Variants in PTPRM observed in about 807,000 individuals in gnomAD.
PTPRM encodes receptor-type tyrosine-protein phosphatase mu.
PTPRM carries 47 observed loss-of-function variants against 186.7 expected under a neutral mutation model. The ratio of observed to expected loss-of-function variants is 0.25; its 90% confidence interval spans 0.20 to 0.32. The LOEUF (loss-of-function observed/expected upper bound fraction) is 0.32, where lower values mean the gene tolerates loss of function less well. Ranked by LOEUF, PTPRM falls within the 10% of genes least tolerant of loss-of-function variation. The pLI is 1.00. For missense variants in PTPRM, 1,494 were observed against 1,865.0 expected (o/e 0.80, Z 3.66); for synonymous variants, 668 against 674.9 (o/e 0.99, Z 0.16).
chr18:7,933,714 G>A (rs2051626748), intron 5 of PTPRM, among the ~76,000 whole-genome samples: 2 of 152,194 alleles, frequency 1.3e-5, no homozygotes, highest in African/African-American at 4.8e-5. Context: ...TAGATTTGTA[G>A]TTAGAGCAGG....
intron 19 of PTPRM, among the ~76,000 whole-genome samples, chr18:8,287,962 G>T (rs963672876): frequency 6.6e-6 from 1 of 152,182 alleles, no homozygotes; most frequent in African/African-American, 2.4e-5. Context: ...CTTTGGGTTT[G>T]CAAGGGCACT....
intron 6 of PTPRM, among the ~76,000 whole-genome samples, chr18:7,952,269 T>C (rs2147087855): frequency 1.3e-5 from 2 of 152,378 alleles, no homozygotes; most frequent in Middle Eastern, 6.8e-3. Context: ...TTAGAATTAG[T>C]TTTATGGTGT....
chr18:7,710,583 A>G (rs1205807857), intron 1 of PTPRM, among the ~76,000 whole-genome samples: 1 of 152,176 alleles, frequency 6.6e-6, no homozygotes, highest in Non-Finnish European at 1.5e-5. Flanking sequence ...AAGCATCCCA[A>G]TTGGAAAAGA....
Position 8,405,979 on chromosome 18 carries a change from CT to C in PTPRM, c.4345-129del, listed in dbSNP as rs1046875578. 41 of 837,340 alleles carry C rather than the reference CT, an allele frequency of 4.9e-5. No individual in the cohort carries two copies. In the African/African-American group the frequency reaches 6.2e-4, roughly 13 times the overall value. 51.9% of individuals were successfully genotyped at this position (837,340 alleles called of 1,614,324 possible). ...ATCTGGAGTTCAGAACCGTGACTTT[CT>C]GATTCATTTCTAATTCAAATCCTCC... is the stretch of plus-strand genomic sequence containing the variant. On this transcript the variant is annotated intron_variant, in intron 32 of 32. Transcript: ENST00000580170.
At chr18:8,209,271 G>A (rs8098064) in intron 14 of PTPRM, among the ~76,000 whole-genome samples, 10,408 of 152,140 alleles carry the variant, frequency 0.068, 1,192 homozygotes, top group African/African-American at 0.24. Context: ...AGACTGCACC[G>A]ACAGCACAGG....
chr18:7,858,119 A>G (rs2047178838), intron 2 of PTPRM, among the ~76,000 whole-genome samples: 1 of 152,210 alleles, frequency 6.6e-6, no homozygotes, highest in African/African-American at 2.4e-5. Context: ...ATCTTTATGC[A>G]GATTTTATTT....
chr18:7,686,182 A>G (rs1394247304), intron 1 of PTPRM, among the ~76,000 whole-genome samples: 2 of 152,180 alleles, frequency 1.3e-5, no homozygotes, highest in African/African-American at 4.8e-5. Flanking sequence ...TGGGACAAGG[A>G]TCTCCCAGGT....
intron 14 of PTPRM, among the ~76,000 whole-genome samples, chr18:8,188,072 C>CT (rs1194180671): frequency 2.6e-5 from 4 of 152,166 alleles, no homozygotes; most frequent in Admixed American, 2.0e-4. Context: ...AAATTGTAGG[C>CT]TCCTAAATCT....
chr18:7,695,479 T>C (rs1248487223), intron 1 of PTPRM, among the ~76,000 whole-genome samples: 1 of 152,252 alleles, frequency 6.6e-6, no homozygotes, highest in Non-Finnish European at 1.5e-5. Flanking sequence ...CTTGCAGTTA[T>C]TTCTGAAAGT....
At chr18:8,263,535 G>A (rs1350269750) in intron 19 of PTPRM, among the ~76,000 whole-genome samples, 1 of 152,208 alleles carries the variant, frequency 6.6e-6, no homozygotes, top group East Asian at 1.9e-4. Context: ...GGGATTTTAT[G>A]AGTGATAAGA....
chr18:8,315,368 G>A (rs908432691), intron 21 of PTPRM, among the ~76,000 whole-genome samples: 1 of 152,170 alleles, frequency 6.6e-6, no homozygotes. Context: ...CTGTTCACCA[G>A]GACTTCTAAT....
intron 18 of PTPRM, 106 bp from the exon 19 acceptor site, chr18:8,253,121 C>T (rs1258965989): frequency 3.3e-6 from 3 of 908,946 alleles, no homozygotes; most frequent in Non-Finnish European, 4.5e-6. Context: ...GGGAATTTTG[C>T]ACCCCTAGGT....
intron 9 of PTPRM, among the ~76,000 whole-genome samples, chr18:8,078,364 A>T (rs923661423): frequency 1.3e-5 from 2 of 152,194 alleles, no homozygotes; most frequent in African/African-American, 2.4e-5. Context: ...ACCTCTCTGG[A>T]GAATCACAGA....
intron 7 of PTPRM, among the ~76,000 whole-genome samples, chr18:8,051,166 G>A (rs540089197): frequency 6.6e-6 from 1 of 152,280 alleles, no homozygotes; most frequent in South Asian, 2.1e-4. Flanking sequence ...CTTCCTGTAA[G>A]TTAAGTTTGC....
intron 1 of PTPRM, among the ~76,000 whole-genome samples, chr18:7,671,600 G>T (rs772895109): frequency 2.0e-5 from 3 of 152,126 alleles, no homozygotes; most frequent in Non-Finnish European, 4.4e-5. Context: ...TGTATAAATG[G>T]AATATATAAT....
At chr18:7,701,187 C>G (rs890023887) in intron 1 of PTPRM, among the ~76,000 whole-genome samples, 1 of 150,488 alleles carries the variant, frequency 6.6e-6, no homozygotes, top group African/African-American at 2.4e-5. Context: ...GCCTGTAGTC[C>G]CAGCTACTCG....
At chr18:8,133,611 T>C (rs2145971288) in intron 13 of PTPRM, among the ~76,000 whole-genome samples, 1 of 152,160 alleles carries the variant, frequency 6.6e-6, no homozygotes, top group Non-Finnish European at 1.5e-5. Context: ...GATTTGAACC[T>C]ACACAAATTG....
intron 13 of PTPRM, among the ~76,000 whole-genome samples, chr18:8,119,765 G>C (rs1316290036): frequency 6.6e-6 from 1 of 152,142 alleles, no homozygotes; most frequent in Non-Finnish European, 1.5e-5. Context: ...GCTTCCAGGA[G>C]ATCCCGCTGC....
chr18:7,811,467 C>T (rs1225270310), intron 2 of PTPRM, among the ~76,000 whole-genome samples: 3 of 152,180 alleles, frequency 2.0e-5, no homozygotes, highest in Admixed American at 6.5e-5. Flanking sequence ...AAGTGGTCCT[C>T]CCATCTCAGC....
Sources: allele counts gnomAD v4.1 joint callset (sites outside exome capture counted in the v4.1 genomes callset), GRCh38; gene constraint gnomAD v4.1.1; transcripts MANE v1.5; gene names NCBI Gene and HGNC (gene_info 2026-07-23, HGNC 2026-07-21).